Variants in ZSWIM5 observed in about 807,000 individuals in gnomAD.
ZSWIM5 encodes zinc finger SWIM-type containing 5.
Under a neutral mutation model 119.6 loss-of-function variants are expected in ZSWIM5, and 55 were observed. That is an observed-to-expected ratio of 0.46 (90% CI 0.37 to 0.58). The LOEUF is 0.58. Ranked by LOEUF, ZSWIM5 falls within the 20% of genes least tolerant of loss-of-function variation. ZSWIM5 has a pLI of 0.00. For synonymous variants in ZSWIM5, 537 were observed against 606.9 expected (o/e 0.88, Z 1.69); for missense variants, 1,193 against 1,512.8 (o/e 0.79, Z 3.51).
intron 2 of ZSWIM5, among the ~76,000 whole-genome samples, chr1:45,073,548 T>C (rs924268875): frequency 1.3e-5 from 2 of 151,774 alleles, no homozygotes; most frequent in Non-Finnish European, 2.9e-5. Flanking sequence ...CATGAGCCAC[T>C]GCGCCCGGCC....
chr1:45,068,056 C>T (rs530275285), intron 2 of ZSWIM5, among the ~76,000 whole-genome samples: 13 of 149,936 alleles, frequency 8.7e-5, no homozygotes, highest in Admixed American at 8.0e-4. Flanking sequence ...GAGACCTGTC[C>T]TGAGGGGGTT....
chr1:45,149,822 C>T (rs1048073150), intron 1 of ZSWIM5, among the ~76,000 whole-genome samples: 2 of 152,022 alleles, frequency 1.3e-5, no homozygotes, highest in African/African-American at 2.4e-5. Flanking sequence ...CTATAAATTA[C>T]GTTGAAACAA....
chr1:45,142,888 C>T (rs1459817364), intron 1 of ZSWIM5, among the ~76,000 whole-genome samples: 2 of 151,304 alleles, frequency 1.3e-5, no homozygotes, highest in Admixed American at 6.6e-5. Context: ...AAACTATAGA[C>T]TGCTGGACAT....
intron 1 of ZSWIM5, among the ~76,000 whole-genome samples, chr1:45,096,250 TAG>T (rs1645400860): frequency 6.6e-6 from 1 of 152,022 alleles, no homozygotes; most frequent in African/African-American, 2.4e-5. Context: ...TATATAATGT[TAG>T]ACTTGGTAGT....
chr1:45,159,799 G>C (rs1005161838), intron 1 of ZSWIM5, among the ~76,000 whole-genome samples: 2 of 152,156 alleles, frequency 1.3e-5, no homozygotes, highest in Admixed American at 1.3e-4. Context: ...ATGTTGGCCA[G>C]GCTAGTCTCG....
At chr1:45,070,771 T>C (rs1005356131) in intron 2 of ZSWIM5, among the ~76,000 whole-genome samples, 3 of 152,232 alleles carry the variant, frequency 2.0e-5, no homozygotes, top group Non-Finnish European at 4.4e-5. Flanking sequence ...CTAGTTTTTT[T>C]CCCATTACTT....
intron 10 of ZSWIM5, 28 bp downstream of exon 10, chr1:45,035,660 G>GCAATTGGAC: frequency 6.2e-7 from 1 of 1,608,294 alleles, no homozygotes; most frequent in Non-Finnish European, 8.5e-7. Flanking sequence ...TTTGGTGGAG[G>GCAATTGGAC]CAATTGGACT....
chr1:45,180,177 G>C (rs1310683459), intron 1 of ZSWIM5, among the ~76,000 whole-genome samples: 1 of 152,148 alleles, frequency 6.6e-6, no homozygotes, highest in African/African-American at 2.4e-5. Context: ...TCCCTTTCCT[G>C]GTCAAGGACA....
intron 1 of ZSWIM5, among the ~76,000 whole-genome samples, chr1:45,164,227 A>G (rs1464104717): frequency 1.3e-5 from 2 of 152,210 alleles, no homozygotes; most frequent in African/African-American, 4.8e-5. Flanking sequence ...ACTAAGCTTC[A>G]CAGGTGAAGG....
chr1:45,175,754 T>A (rs942555728), intron 1 of ZSWIM5, among the ~76,000 whole-genome samples: 14 of 145,382 alleles, frequency 9.6e-5, no homozygotes, highest in Admixed American at 7.6e-4. Context: ...ACCTGGCCTT[T>A]AAAAAAAAAA....
intron 2 of ZSWIM5, among the ~76,000 whole-genome samples, chr1:45,075,115 T>C (rs972658401): frequency 1.3e-5 from 2 of 152,016 alleles, no homozygotes; most frequent in Non-Finnish European, 2.9e-5. Context: ...TTAAGACTTG[T>C]TTTGTAACTT....
intron 1 of ZSWIM5, among the ~76,000 whole-genome samples, chr1:45,111,696 G>GT (rs1645519550): frequency 6.6e-6 from 1 of 152,236 alleles, no homozygotes; most frequent in Admixed American, 6.5e-5. Flanking sequence ...AGCAATGGCT[G>GT]TATCTTACGC....
Position 45,039,014 on chromosome 1 carries a change from G to A in ZSWIM5, c.1816C>T (p.Leu606=), listed in dbSNP as rs116819779. Residue 606 remains leucine, a synonymous_variant, in exon 8 of 14, where the codon CTG becomes TTG. Coordinates refer to ENST00000359600, the MANE Select transcript of ZSWIM5 (RefSeq NM_020883.2). ...TNLEGWVGHP[L]DPIDCLFLTL... ...AGAAACAGGCAGTCGATGGGATCCA[G>A]GGGGTGGCCCACCCAGCCCTCCAGG... 2.0e-3 allele frequency: 3,287 copies of A among 1,614,156 alleles called. 75 individuals carry two copies. The African/African-American group carries it at 0.039, about 19-fold the overall frequency.
intron 2 of ZSWIM5, among the ~76,000 whole-genome samples, chr1:45,061,527 T>C (rs1277160056): frequency 1.3e-5 from 2 of 151,814 alleles, no homozygotes; most frequent in Non-Finnish European, 2.9e-5. Context: ...TGTGCCACCA[T>C]GCCTGGCTAA....
rs750490290 is a variant in ZSWIM5 at position 45,039,088 on chromosome 1, G to T, written c.1757-15C>A. 7 of 1,613,396 alleles carry T rather than the reference G, an allele frequency of 4.3e-6. No homozygotes were observed. The South Asian group carries it at 7.7e-5, about 18-fold the overall frequency. On this transcript the variant is annotated splice_polypyrimidine_tract_variant and intron_variant, in intron 7 of 13. Coordinates refer to ENST00000359600, the MANE Select transcript of ZSWIM5 (RefSeq NM_020883.2). ...CTGCAACAGTTCTGGAAACAAGCAG[G>T]TTAAAATTTTAGACAGTGATAGAGA...
chr1:45,022,358 C>T (rs1240867803), intron 11 of ZSWIM5, among the ~76,000 whole-genome samples: 3 of 152,054 alleles, frequency 2.0e-5, no homozygotes, highest in East Asian at 1.9e-4. Context: ...TCTCGATCTC[C>T]TGACCTCATG....
chr1:45,037,747 C>T (rs1196595297), intron 8 of ZSWIM5, among the ~76,000 whole-genome samples: 1 of 152,208 alleles, frequency 6.6e-6, no homozygotes, highest in African/African-American at 2.4e-5. Context: ...TATATCTCTA[C>T]CCAGAGAAAT....
At chr1:45,120,644 CT>C (rs376868791) in intron 1 of ZSWIM5, among the ~76,000 whole-genome samples, 1,520 of 144,800 alleles carry the variant, frequency 0.01, 15 homozygotes, top group Non-Finnish European at 0.015. Flanking sequence ...GTTTTTCTTT[CT>C]TTTTTTTTTT....
intron 3 of ZSWIM5, 90 bp downstream of exon 3, chr1:45,060,009 A>T: frequency 6.8e-7 from 1 of 1,462,294 alleles, no homozygotes; most frequent in South Asian, 1.2e-5. Context: ...TGAGCTAGGT[A>T]TAATGCATGA....
Sources: gnomAD v4.1 joint callset for allele counts (sites outside exome capture counted in the v4.1 genomes callset) on GRCh38, gnomAD v4.1.1 for gene constraint, MANE v1.5 for transcripts, NCBI Gene and HGNC (gene_info 2026-07-23, HGNC 2026-07-21) for gene names.